VAV3: variants seen among roughly 807,000 people sequenced by gnomAD.
The protein encoded by VAV3 is vav guanine nucleotide exchange factor 3.
VAV3 carries 94 observed loss-of-function variants against 131.2 expected under a neutral mutation model. The observed-to-expected ratio is 0.72, with a 90% CI of 0.61 to 0.85. VAV3 has a LOEUF of 0.85. Among genes scored for constraint, VAV3 ranks in the 40% least tolerant of loss-of-function variants. VAV3 has a pLI of 0.00. For missense variants in VAV3, 939 were observed against 1,002.7 expected, an observed-to-expected ratio of 0.94 and a Z score of 0.86; for synonymous variants, 349 against 342.0, an observed-to-expected ratio of 1.02 and a Z score of -0.22.
intron 1 of VAV3, among the ~76,000 whole-genome samples, chr1:107,955,607 G>A (rs1461902746): frequency 6.6e-6 from 1 of 152,120 alleles, no homozygotes; most frequent in East Asian, 1.9e-4. Context: ...AGAAAAGTCA[G>A]GGAAGACAAT....
chr1:107,883,369 T>A (rs541385927), intron 1 of VAV3, among the ~76,000 whole-genome samples: 1 of 152,318 alleles, frequency 6.6e-6, no homozygotes, highest in East Asian at 1.9e-4. Context: ...AATACATCTA[T>A]ATTGTCTTTG....
intron 2 of VAV3, among the ~76,000 whole-genome samples, chr1:107,786,630 G>A (rs373618755): frequency 4.6e-5 from 7 of 152,042 alleles, no homozygotes; most frequent in South Asian, 2.1e-4. Context: ...CATCATCATC[G>A]GTAAAGTCAG....
chr1:107,907,059 C>T (rs1176376352), intron 1 of VAV3, among the ~76,000 whole-genome samples: 1 of 152,176 alleles, frequency 6.6e-6, no homozygotes, highest in East Asian at 1.9e-4. Flanking sequence ...ATTTTTATAT[C>T]TCCACAACAA....
intron 2 of VAV3, among the ~76,000 whole-genome samples, chr1:107,798,884 G>C (rs1301413898): frequency 6.6e-6 from 1 of 151,928 alleles, no homozygotes; most frequent in Non-Finnish European, 1.5e-5. Context: ...CTTTTATTCA[G>C]AAGAAGATTT....
intron 15 of VAV3, 82 bp from the exon 16 acceptor site, chr1:107,705,143 AAAATGACAT>A: frequency 9.2e-7 from 1 of 1,083,120 alleles, no homozygotes; most frequent in Non-Finnish European, 1.4e-6. Context: ...TAAATTCATC[AAAATGACAT>A]CAGGTAGAGA....
intron 19 of VAV3, among the ~76,000 whole-genome samples, chr1:107,643,547 C>G (rs7542332): frequency 0.053 from 8,134 of 152,212 alleles, 661 homozygotes; most frequent in African/African-American, 0.17. Flanking sequence ...CTGCTCCCAA[C>G]TAAGAGAGGT....
intron 1 of VAV3, among the ~76,000 whole-genome samples, chr1:107,924,406 A>AC (rs1673055108): frequency 1.3e-5 from 2 of 151,536 alleles, no homozygotes; most frequent in South Asian, 2.1e-4. Context: ...AAAAAAAAAA[A>AC]CCCTGTAAAC....
At chr1:107,864,499 T>A (rs1321088809) in intron 2 of VAV3, among the ~76,000 whole-genome samples, 1 of 152,134 alleles carries the variant, frequency 6.6e-6, no homozygotes, top group Non-Finnish European at 1.5e-5. Flanking sequence ...GGCATGCACC[T>A]GTAGTCCCAG....
At chr1:107,771,174 G>A (rs1212160549) in intron 5 of VAV3, among the ~76,000 whole-genome samples, 1 of 151,594 alleles carries the variant, frequency 6.6e-6, no homozygotes, top group Non-Finnish European at 1.5e-5. Context: ...ATTTAAGATT[G>A]GAAGTCATAG....
intron 15 of VAV3, among the ~76,000 whole-genome samples, chr1:107,741,141 A>G (rs772369127): frequency 2.0e-5 from 3 of 152,234 alleles, no homozygotes; most frequent in Non-Finnish European, 4.4e-5. Flanking sequence ...CAGATACTGT[A>G]GGCATCTCCA....
At chr1:107,574,319 C>T (rs991675035) in intron 25 of VAV3, 121 bp from the exon 26 acceptor site, 9 of 1,229,020 alleles carry the variant, frequency 7.3e-6, no homozygotes, top group East Asian at 2.5e-5. Flanking sequence ...TACAGACCAG[C>T]GATAATGGCA....
intron 25 of VAV3, among the ~76,000 whole-genome samples, chr1:107,581,757 A>G (rs1437820969): frequency 6.6e-6 from 1 of 152,206 alleles, no homozygotes; most frequent in Non-Finnish European, 1.5e-5. Flanking sequence ...TTAAAGTATT[A>G]TGTTCTGCCT....
chr1:107,811,342 T>C (rs564514792), intron 2 of VAV3, among the ~76,000 whole-genome samples: 40 of 152,272 alleles, frequency 2.6e-4, no homozygotes, highest in African/African-American at 9.4e-4. Context: ...CAGGGTAAGA[T>C]ACTGGGCATG....
At chr1:107,791,604 C>T (rs368914878) in intron 2 of VAV3, among the ~76,000 whole-genome samples, 1 of 152,152 alleles carries the variant, frequency 6.6e-6, no homozygotes, top group South Asian at 2.1e-4. Flanking sequence ...ATGTCTAGAC[C>T]TTACCTTCAG....
At chr1:107,854,712 G>C (rs1185357239) in intron 2 of VAV3, among the ~76,000 whole-genome samples, 2 of 152,124 alleles carry the variant, frequency 1.3e-5, no homozygotes, top group African/African-American at 4.8e-5. Flanking sequence ...CCCTGACCTT[G>C]AGACTATCTT....
At chr1:107,873,261 C>A (rs1670333215) in intron 2 of VAV3, among the ~76,000 whole-genome samples, 1 of 152,208 alleles carries the variant, frequency 6.6e-6, no homozygotes, top group Non-Finnish European at 1.5e-5. Context: ...CATGCAATCT[C>A]ATTCCAGTAG....
intron 2 of VAV3, among the ~76,000 whole-genome samples, chr1:107,785,293 A>G (rs1169902056): frequency 6.6e-6 from 1 of 152,210 alleles, no homozygotes; most frequent in Non-Finnish European, 1.5e-5. Flanking sequence ...CCATGAGACC[A>G]ACATGTAGGT....
At chr1:107,776,067 A>G (rs1570936955) in intron 4 of VAV3, among the ~76,000 whole-genome samples, 1 of 152,230 alleles carries the variant, frequency 6.6e-6, no homozygotes, top group African/African-American at 2.4e-5. Flanking sequence ...GTGAAGATAT[A>G]ATAACAACCT....
At chr1:107,703,544 G>C (rs138235809) in intron 17 of VAV3, among the ~76,000 whole-genome samples, 38 of 152,330 alleles carry the variant, frequency 2.5e-4, no homozygotes, top group African/African-American at 8.4e-4. Flanking sequence ...GAATGGCACA[G>C]AGGGTCCTTT....
Sources: gnomAD v4.1 joint callset for allele counts (sites outside exome capture counted in the v4.1 genomes callset) on GRCh38, gnomAD v4.1.1 for gene constraint, MANE v1.5 for transcripts, NCBI Gene and HGNC (gene_info 2026-07-23, HGNC 2026-07-21) for gene names.